RBMS3: variants seen among roughly 807,000 people sequenced by gnomAD.
The protein encoded by RBMS3 is RNA binding motif single stranded interacting protein 3.
Under a neutral mutation model 66.8 loss-of-function variants are expected in RBMS3, and 27 were observed. The observed-to-expected ratio is 0.40, with a 90% confidence interval of 0.30 to 0.56. The LOEUF is 0.56. Ranked by LOEUF, RBMS3 falls within the 20% of genes least tolerant of loss-of-function variation. The probability of loss-of-function intolerance (pLI) is 0.40; values close to 1 mark genes in which losing one functional copy is unlikely to be tolerated. For synonymous variants in RBMS3, 188 were observed against 183.0 expected (o/e 1.03, Z -0.22); for missense variants, 513 against 549.5 (o/e 0.93, Z 0.66).
intron 3 of RBMS3, among the ~76,000 whole-genome samples, chr3:29,539,220 A>T (rs2045675928): frequency 6.6e-6 from 1 of 152,188 alleles, no homozygotes; most frequent in Non-Finnish European, 1.5e-5. Context: ...TACATTGTCG[A>T]TGCAAAAAAA....
chr3:29,797,129 A>G (rs1479490240), intron 6 of RBMS3, among the ~76,000 whole-genome samples: 1 of 152,200 alleles, frequency 6.6e-6, no homozygotes, highest in East Asian at 1.9e-4. Context: ...CCTAGATGGC[A>G]TCTTCTTCCA....
At chr3:29,801,084 A>G (rs1159589299) in intron 6 of RBMS3, among the ~76,000 whole-genome samples, 1 of 151,912 alleles carries the variant, frequency 6.6e-6, no homozygotes, top group Non-Finnish European at 1.5e-5. Flanking sequence ...AGTCAGTGTA[A>G]GTTAATATGC....
At chr3:29,361,614 G>T (rs937787398) in intron 1 of RBMS3, among the ~76,000 whole-genome samples, 1 of 152,168 alleles carries the variant, frequency 6.6e-6, no homozygotes, top group Non-Finnish European at 1.5e-5. Flanking sequence ...GGTTGGGGAA[G>T]TTCTCCTGGA....
At chr3:29,967,536 T>C (rs35782368) in intron 12 of RBMS3, among the ~76,000 whole-genome samples, 33,631 of 151,966 alleles carry the variant, frequency 0.22, 5,527 homozygotes, top group African/African-American at 0.44. Flanking sequence ...ACCTCGTGAT[T>C]TGCCTGCCTC....
In RBMS3 at chr3:29,587,147, C is replaced by A. The variant is rs2047545703; in HGVS notation, c.341C>A (p.Ala114Asp). 10 of 1,610,030 alleles carry A rather than the reference C, an allele frequency of 6.2e-6. No homozygotes were observed. In the East Asian group the frequency reaches 2.2e-4, roughly 36 times the overall value. ...TTTGTAGATTTTGACAGTCCTGCAG[C>A]CGCACAGAAAGCGGTAGCATCTCTC... The part of the protein sequence containing the change: ...YGFVDFDSPA[A>D]AQKAVASLKA... The change falls in exon 4 of 15, where the codon GCC becomes GAC. Residue 114 changes from alanine (A) to aspartate (D), a missense_variant. Coordinates refer to ENST00000383767, the MANE Select transcript of RBMS3 (RefSeq NM_001003793.3).
chr3:29,957,598 A>G (rs1470393584), intron 12 of RBMS3, among the ~76,000 whole-genome samples: 12 of 152,156 alleles, frequency 7.9e-5, no homozygotes, highest in Non-Finnish European at 1.6e-4. Context: ...TGCTTATATG[A>G]AATAATTTAA....
At chr3:29,560,439 A>T (rs2046509934) in intron 3 of RBMS3, among the ~76,000 whole-genome samples, 1 of 152,234 alleles carries the variant, frequency 6.6e-6, no homozygotes, top group Non-Finnish European at 1.5e-5. Context: ...ATGGAATGCA[A>T]TCAGATGTAA....
At chr3:29,563,920 G>T (rs761673767) in intron 3 of RBMS3, among the ~76,000 whole-genome samples, 6 of 151,628 alleles carry the variant, frequency 4.0e-5, no homozygotes, top group Admixed American at 6.6e-5. Context: ...AGGAGGTTGA[G>T]GTGAGAGCAT....
At chr3:29,423,926 C>G (rs1414335823) in intron 1 of RBMS3, among the ~76,000 whole-genome samples, 3 of 152,044 alleles carry the variant, frequency 2.0e-5, no homozygotes, top group Admixed American at 6.6e-5. Flanking sequence ...CTTGAAAAGT[C>G]GTTTAACCTC....
chr3:29,304,533 C>T (rs1395465567), intron 1 of RBMS3, among the ~76,000 whole-genome samples: 1 of 151,886 alleles, frequency 6.6e-6, no homozygotes, highest in Non-Finnish European at 1.5e-5. Context: ...GTAAGGAAGG[C>T]TGTTACAGTT....
At chr3:29,736,188 C>G (rs2054370108) in intron 4 of RBMS3, among the ~76,000 whole-genome samples, 1 of 152,116 alleles carries the variant, frequency 6.6e-6, no homozygotes, top group Non-Finnish European at 1.5e-5. Context: ...AAGACTAATA[C>G]TGCATTCATT....
intron 3 of RBMS3, among the ~76,000 whole-genome samples, chr3:29,579,862 T>C (rs1268201563): frequency 6.6e-6 from 1 of 152,222 alleles, no homozygotes; most frequent in Non-Finnish European, 1.5e-5. Context: ...AATCAGTAAG[T>C]TTCTTTAATC....
chr3:29,894,114 A>G (rs541724504), intron 8 of RBMS3, among the ~76,000 whole-genome samples: 2 of 151,704 alleles, frequency 1.3e-5, no homozygotes, highest in African/African-American at 2.4e-5. Context: ...ACAAAAATTT[A>G]TCTTTCCTCA....
At chr3:29,570,196 G>T (rs1157125935) in intron 3 of RBMS3, among the ~76,000 whole-genome samples, 2 of 151,804 alleles carry the variant, frequency 1.3e-5, no homozygotes, top group African/African-American at 2.4e-5. Flanking sequence ...TTTAATTTTT[G>T]TGAGTACATA....
chr3:29,738,013 T>C (rs1260002665), intron 4 of RBMS3, among the ~76,000 whole-genome samples: 3 of 152,166 alleles, frequency 2.0e-5, no homozygotes, highest in Non-Finnish European at 2.9e-5. Flanking sequence ...CCCACGGTGC[T>C]AAAAAGCTTG....
intron 14 of RBMS3, among the ~76,000 whole-genome samples, chr3:29,994,287 G>A (rs111775112): frequency 0.017 from 2,599 of 152,286 alleles, 41 homozygotes; most frequent in African/African-American, 0.04. Flanking sequence ...CTACCCCCAC[G>A]GAGTCTCGCT....
chr3:29,707,519 C>T (rs2052959366), intron 4 of RBMS3, among the ~76,000 whole-genome samples: 1 of 152,128 alleles, frequency 6.6e-6, no homozygotes, highest in Non-Finnish European at 1.5e-5. Flanking sequence ...ACCGTCTTTA[C>T]TATAAAAACA....
chr3:29,822,967 A>T (rs2058110442), intron 6 of RBMS3, among the ~76,000 whole-genome samples: 1 of 152,134 alleles, frequency 6.6e-6, no homozygotes, highest in Non-Finnish European at 1.5e-5. Flanking sequence ...TACTTGGAGG[A>T]TTTCATTGTA....
At chr3:29,397,502 C>T (rs2039606079) in intron 1 of RBMS3, among the ~76,000 whole-genome samples, 1 of 152,060 alleles carries the variant, frequency 6.6e-6, no homozygotes, top group Non-Finnish European at 1.5e-5. Flanking sequence ...TACCATTGTA[C>T]TCAGCATGTT....
Sources: allele counts gnomAD v4.1 joint callset (sites outside exome capture counted in the v4.1 genomes callset), GRCh38; gene constraint gnomAD v4.1.1; transcripts MANE v1.5; gene names NCBI Gene and HGNC (gene_info 2026-07-23, HGNC 2026-07-21).